The following TTC39B variants were observed in gnomAD, a reference collection of about 807,000 sequenced individuals.
TTC39B encodes tetratricopeptide repeat domain 39B.
A neutral mutation model predicts 96.6 loss-of-function variants in TTC39B; 92 were observed. The observed-to-expected ratio is 0.95, with a 90% CI of 0.80 to 1.13. The LOEUF (loss-of-function observed/expected upper bound fraction) is 1.13, where lower values mean the gene tolerates loss of function less well. Among genes scored for constraint, TTC39B ranks in the 50% most tolerant of loss-of-function variants. The pLI, the probability that TTC39B is intolerant of heterozygous loss-of-function variation, is 0.00. For synonymous variants in TTC39B, 367 were observed against 299.4 expected (o/e 1.23, Z -2.33); for missense variants, 955 against 809.3 (o/e 1.18, Z -2.18).
intron 2 of TTC39B, among the ~76,000 whole-genome samples, chr9:15,244,633 G>T (rs1822191013): frequency 6.6e-6 from 1 of 152,192 alleles, no homozygotes; most frequent in Non-Finnish European, 1.5e-5. Flanking sequence ...GGAGTTATGG[G>T]AGCCAAGAAC....
At chr9:15,214,350 G>GTGTC (rs1554773304) in intron 3 of TTC39B, 101 bp from the exon 4 acceptor site, 143 of 552,298 alleles carry the variant, frequency 2.6e-4, no homozygotes, top group African/African-American at 2.1e-3. Context: ...GTGTGTGTCT[G>GTGTC]TGTGTGTGTG....
intron 1 of TTC39B, among the ~76,000 whole-genome samples, chr9:15,304,790 C>G (rs969138354): frequency 4.6e-5 from 7 of 152,140 alleles, no homozygotes; most frequent in African/African-American, 1.7e-4. Context: ...CTTGCTCAAT[C>G]AAGGTCAACA....
chr9:15,243,408 ATAT>A (rs1340839399), intron 2 of TTC39B, among the ~76,000 whole-genome samples: 2 of 152,228 alleles, frequency 1.3e-5, no homozygotes, highest in Non-Finnish European at 2.9e-5. Flanking sequence ...GTACATTTTC[ATAT>A]ACAATACAAA....
At chr9:15,243,231 G>T (rs1277451282) in intron 2 of TTC39B, among the ~76,000 whole-genome samples, 2 of 152,266 alleles carry the variant, frequency 1.3e-5, no homozygotes, top group East Asian at 3.9e-4. Flanking sequence ...TTACTTAACT[G>T]GGCATTTACC....
chr9:15,295,200 A>C, intron 1 of TTC39B, among the ~76,000 whole-genome samples: 1 of 152,206 alleles, frequency 6.6e-6, no homozygotes, highest in Non-Finnish European at 1.5e-5. Flanking sequence ...CTTCCTCCAT[A>C]AAAGGCATAT....
intron 18 of TTC39B, among the ~76,000 whole-genome samples, chr9:15,176,544 G>A (rs1487481072): frequency 2.0e-5 from 3 of 152,128 alleles, no homozygotes; most frequent in Non-Finnish European, 2.9e-5. Flanking sequence ...CAGAGCACAG[G>A]ATGTCCACCA....
At chr9:15,258,044 G>C (rs1009648007) in intron 2 of TTC39B, among the ~76,000 whole-genome samples, 1 of 151,026 alleles carries the variant, frequency 6.6e-6, no homozygotes, top group Non-Finnish European at 1.5e-5. Context: ...TGGGCAATAA[G>C]AGCAAAACTC....
At chr9:15,198,866 G>A (rs1343087958) in intron 8 of TTC39B, among the ~76,000 whole-genome samples, 1 of 152,056 alleles carries the variant, frequency 6.6e-6, no homozygotes, top group East Asian at 1.9e-4. Flanking sequence ...CCCATGCAAA[G>A]ACTAATTATA....
chr9:15,290,622 C>T (rs139651597), intron 1 of TTC39B, among the ~76,000 whole-genome samples: 182 of 152,336 alleles, frequency 1.2e-3, no homozygotes, highest in Middle Eastern at 3.4e-3. Context: ...CTTTGTTTTA[C>T]GTAAAATGCA....
At chr9:15,240,890 T>C (rs1822008129) in intron 2 of TTC39B, among the ~76,000 whole-genome samples, 1 of 152,246 alleles carries the variant, frequency 6.6e-6, no homozygotes. Flanking sequence ...TCAATAGGTC[T>C]ACTATTATAT....
chr9:15,284,849 A>G (rs1390253306), intron 1 of TTC39B, among the ~76,000 whole-genome samples: 1 of 152,210 alleles, frequency 6.6e-6, no homozygotes, highest in Non-Finnish European at 1.5e-5. Flanking sequence ...ATAATGAACA[A>G]TTTAAATAAT....
intron 7 of TTC39B, among the ~76,000 whole-genome samples, chr9:15,201,843 A>T (rs953748911): frequency 6.6e-6 from 1 of 152,188 alleles, no homozygotes; most frequent in Non-Finnish European, 1.5e-5. Flanking sequence ...GATACAGAAT[A>T]CTGCCATACT....
intron 1 of TTC39B, among the ~76,000 whole-genome samples, chr9:15,291,439 C>T (rs1001234456): frequency 6.6e-6 from 1 of 152,216 alleles, no homozygotes; most frequent in African/African-American, 2.4e-5. Context: ...GATGGTGAGG[C>T]CTCCCCAGCC....
intron 2 of TTC39B, among the ~76,000 whole-genome samples, chr9:15,253,053 A>C (rs1822620903): frequency 1.3e-5 from 2 of 152,234 alleles, no homozygotes; most frequent in Admixed American, 6.5e-5. Context: ...CACAGGCTTC[A>C]TGCATACATA....
At chr9:15,195,324 T>G (rs62538516) in intron 8 of TTC39B, among the ~76,000 whole-genome samples, 19,428 of 152,124 alleles carry the variant, frequency 0.13, 1,552 homozygotes, top group Non-Finnish European at 0.19. Flanking sequence ...AAAAAAATGT[T>G]GGAAGCTAAC....
chr9:15,196,021 T>C (rs1819146504), intron 8 of TTC39B, among the ~76,000 whole-genome samples: 1 of 152,222 alleles, frequency 6.6e-6, no homozygotes, highest in Non-Finnish European at 1.5e-5. Context: ...CAGTGCTCTA[T>C]AATTAAAACA....
chr9:15,169,314 A>T (rs892922703), exon 20 of TTC39B: 2 of 152,224 alleles, frequency 1.3e-5, no homozygotes, highest in East Asian at 3.8e-4. Flanking sequence ...ATATGTCCAG[A>T]TAAGAGCTGA....
Position 15,187,963 on chromosome 9 carries a change from C to T in TTC39B, c.1395+8G>A, listed in dbSNP as rs190605572. The T allele has an allele frequency of 6.4e-7, 1 of 1,564,534 alleles. No homozygotes were observed. Among genetic ancestry groups the T allele is most frequent in the Admixed American group, 2.0e-5 (1 of 51,186 alleles). On this transcript the variant is annotated splice_region_variant and intron_variant, in intron 14 of 19. Coordinates refer to ENST00000512701, the Ensembl canonical transcript of TTC39B. ...ACAGATGACATTAATGAAAGTATTG[C>T]ACTTTACCTTGGACCATTTACTCTC...
chr9:15,298,377 G>A (rs1824457961), intron 1 of TTC39B, among the ~76,000 whole-genome samples: 1 of 152,148 alleles, frequency 6.6e-6, no homozygotes, highest in African/African-American at 2.4e-5. Context: ...ATACTGCTGT[G>A]AAGAAATACC....
Sources: gnomAD v4.1 joint callset for allele counts (sites outside exome capture counted in the v4.1 genomes callset) on GRCh38, gnomAD v4.1.1 for gene constraint, MANE v1.5 for transcripts, NCBI Gene and HGNC (gene_info 2026-07-23, HGNC 2026-07-21) for gene names.